FAF1: variants seen among roughly 807,000 people sequenced by gnomAD.
FAF1 encodes FAS-associated factor 1.
Under a neutral mutation model 92.5 loss-of-function variants are expected in FAF1, and 25 were observed. That is an observed-to-expected ratio of 0.27 (90% CI 0.20 to 0.38). FAF1 has a LOEUF of 0.38. FAF1 is among the 10% of genes least tolerant of loss of function. The pLI is 1.00. For missense variants in FAF1, 636 were observed against 793.3 expected, an observed-to-expected ratio of 0.80 and a Z score of 2.38; for synonymous variants, 234 against 273.2, an observed-to-expected ratio of 0.86 and a Z score of 1.42.
rs1281258216 is a variant in FAF1, at chr1:50,941,818, C to T, written c.45+17949G>A. ...GACCCAAAGAGAAGCAAGCTACCTC[C>T]TTACAATGTCTTTGAAACCTAATTT... On this transcript the variant is annotated intron_variant, in intron 1 of 18. Transcript: ENST00000396153. Among the ~76,000 whole-genome samples, 6 of 152,184 alleles carry T rather than the reference C, an allele frequency of 3.9e-5. No individual in the cohort carries two copies. In the East Asian group the frequency reaches 5.8e-4, roughly 15 times the overall value.
rs1661432378 is a variant in FAF1 at position 50,788,186 on chromosome 1, TGG to T, written c.179_180del (p.Thr60AsnfsTer7). ...GCTGGATTAAATGCAGGTCCTGGTA[TGG>T]TCTCACCTCCATATTCACTAAAATG... ...GILQSEYGGE[T>X]IPGPAFNPAS... On this transcript the variant is annotated frameshift_variant, in exon 4 of 19. Transcript: ENST00000396153. LOFTEE classifies it high-confidence loss of function. The T allele has an allele frequency of 9.9e-6, 16 of 1,613,740 alleles. No homozygotes were observed. Among genetic ancestry groups the T allele is most frequent in the Non-Finnish European group, 1.3e-5 (15 of 1,179,760 alleles).
chr1:50,867,567 A>G (rs181306695), intron 1 of FAF1, among the ~76,000 whole-genome samples: 5 of 152,344 alleles, frequency 3.3e-5, no homozygotes, highest in African/African-American at 4.8e-5. Flanking sequence ...AATGGCAAAA[A>G]AAAATGAAAA....
intron 4 of FAF1, 37 bp from the exon 5 acceptor site, chr1:50,744,812 A>T: frequency 8.1e-7 from 1 of 1,230,392 alleles, no homozygotes; most frequent in South Asian, 1.3e-5. Context: ...TTACTAACAA[A>T]ATAACACAGT....
chr1:50,903,348 G>C (rs1644811150), intron 1 of FAF1, among the ~76,000 whole-genome samples: 1 of 152,098 alleles, frequency 6.6e-6, no homozygotes, highest in Non-Finnish European at 1.5e-5. Context: ...CAAAGTTCCT[G>C]AGATACTTAT....
intron 8 of FAF1, 86 bp from the exon 9 acceptor site, chr1:50,596,302 T>G: frequency 1.1e-6 from 1 of 928,874 alleles, no homozygotes; most frequent in South Asian, 1.5e-5. Flanking sequence ...TTTCTATTAT[T>G]GCTGAAGCTA....
chr1:50,728,170 G>A (rs1158661888), intron 6 of FAF1, among the ~76,000 whole-genome samples: 1 of 152,126 alleles, frequency 6.6e-6, no homozygotes, highest in Non-Finnish European at 1.5e-5. Context: ...TAGAGAGAGG[G>A]TATAACAGAG....
intron 8 of FAF1, among the ~76,000 whole-genome samples, chr1:50,629,435 C>A (rs1247475162): frequency 6.6e-6 from 1 of 152,058 alleles, no homozygotes; most frequent in Non-Finnish European, 1.5e-5. Context: ...TCCTGAAGTG[C>A]TGAGATTACA....
intron 15 of FAF1, among the ~76,000 whole-genome samples, chr1:50,513,446 C>T (rs1393153673): frequency 3.9e-5 from 6 of 152,038 alleles, no homozygotes; most frequent in African/African-American, 9.7e-5. Flanking sequence ...GATGAGATCG[C>T]GCCATTGCAC....
chr1:50,904,420 G>C (rs1557582673), intron 1 of FAF1, among the ~76,000 whole-genome samples: 1 of 152,168 alleles, frequency 6.6e-6, no homozygotes, highest in Non-Finnish European at 1.5e-5. Flanking sequence ...AGACGAAAAA[G>C]TTCTGGAGAT....
chr1:50,792,125 A>C (rs1661583988), intron 3 of FAF1, among the ~76,000 whole-genome samples: 1 of 152,218 alleles, frequency 6.6e-6, no homozygotes, highest in South Asian at 2.1e-4. Flanking sequence ...TAATAATGAC[A>C]CCAAGGACTC....
chr1:50,954,980 T>C (rs1346661076), intron 1 of FAF1, among the ~76,000 whole-genome samples: 1 of 152,138 alleles, frequency 6.6e-6, no homozygotes, highest in Admixed American at 6.5e-5. Context: ...CCAGCCTGGG[T>C]AACAGAGTGA....
chr1:50,518,493 T>A (rs1572802030), intron 15 of FAF1, among the ~76,000 whole-genome samples: 1 of 151,486 alleles, frequency 6.6e-6, no homozygotes. Flanking sequence ...CAGGCTGGAG[T>A]GCAGTGGTGC....
intron 4 of FAF1, among the ~76,000 whole-genome samples, chr1:50,785,236 G>T (rs72902755): frequency 0.066 from 10,004 of 151,356 alleles, 408 homozygotes; most frequent in East Asian, 0.094. Context: ...TGGTTTTTTG[G>T]AAATGACTCC....
intron 1 of FAF1, among the ~76,000 whole-genome samples, chr1:50,886,482 A>C (rs1476301727): frequency 6.6e-6 from 1 of 151,944 alleles, no homozygotes; most frequent in Non-Finnish European, 1.5e-5. Context: ...GCACCCACTA[A>C]CTCGTCATTT....
At chr1:50,853,794 T>C (rs1193047475) in intron 2 of FAF1, among the ~76,000 whole-genome samples, 3 of 152,088 alleles carry the variant, frequency 2.0e-5, no homozygotes, top group African/African-American at 7.2e-5. Flanking sequence ...CCTGCCATCA[T>C]CTACACTATA....
At chr1:50,743,538 G>T (rs919891969) in intron 5 of FAF1, among the ~76,000 whole-genome samples, 53 of 151,842 alleles carry the variant, frequency 3.5e-4, no homozygotes, top group African/African-American at 1.2e-3. Flanking sequence ...ATGTTGGCCA[G>T]GCTGGTCTCG....
At chr1:50,610,398 G>C (rs1652634757) in intron 8 of FAF1, among the ~76,000 whole-genome samples, 4 of 152,024 alleles carry the variant, frequency 2.6e-5, no homozygotes, top group Admixed American at 2.6e-4. Flanking sequence ...CATGGAAAAA[G>C]TTTTCTGTTA....
intron 12 of FAF1, 127 bp from the exon 13 acceptor site, chr1:50,567,358 G>T: frequency 1.7e-6 from 1 of 586,202 alleles, no homozygotes; most frequent in East Asian, 3.0e-5. Context: ...CCCTAAGAGA[G>T]TACTTTACAT....
At chr1:50,669,598 AAGTT>A (rs1655780155) in intron 7 of FAF1, among the ~76,000 whole-genome samples, 1 of 152,248 alleles carries the variant, frequency 6.6e-6, no homozygotes, top group Non-Finnish European at 1.5e-5. Flanking sequence ...AAGAAAGCAA[AAGTT>A]AGTATTTCTA....
Sources: gnomAD v4.1 joint callset for allele counts (sites outside exome capture counted in the v4.1 genomes callset) on GRCh38, gnomAD v4.1.1 for gene constraint, MANE v1.5 for transcripts, NCBI Gene and HGNC (gene_info 2026-07-23, HGNC 2026-07-21) for gene names.